CUL2: variants seen among roughly 807,000 people sequenced by gnomAD.
The protein encoded by CUL2 is cullin 2, also known as cullin-2.
A neutral mutation model predicts 110.2 loss-of-function variants in CUL2; 22 were observed. The ratio of observed to expected loss-of-function variants is 0.20; its 90% CI spans 0.14 to 0.28. The LOEUF is 0.28. Ranked by LOEUF, CUL2 falls within the 10% of genes least tolerant of loss-of-function variation. The pLI, the probability that CUL2 is intolerant of heterozygous loss-of-function variation, is 1.00. For synonymous variants in CUL2, 279 were observed against 293.2 expected (o/e 0.95, Z 0.49); for missense variants, 631 against 905.5 (o/e 0.70, Z 3.89).
At chr10:35,104,546 G>A (rs1378148982) in intron 1 of CUL2, among the ~76,000 whole-genome samples, 2 of 151,902 alleles carry the variant, frequency 1.3e-5, no homozygotes, top group African/African-American at 4.8e-5. Flanking sequence ...AGGGAAGGAG[G>A]TGGAATTGCT....
intron 1 of CUL2, among the ~76,000 whole-genome samples, chr10:35,121,079 T>C (rs930560654): frequency 2.0e-5 from 3 of 152,216 alleles, no homozygotes; most frequent in Non-Finnish European, 4.4e-5. Context: ...CACATGACCA[T>C]GTTGGGAGCT....
intron 1 of CUL2, among the ~76,000 whole-genome samples, chr10:35,073,579 T>A (rs917884242): frequency 1.3e-5 from 2 of 151,864 alleles, no homozygotes; most frequent in Non-Finnish European, 1.5e-5. Flanking sequence ...CATTTTCTTT[T>A]CTTTTCTTTT....
chr10:35,054,337 T>C, intron 5 of CUL2, 97 bp downstream of exon 5: 1 of 677,552 alleles, frequency 1.5e-6, no homozygotes, highest in Non-Finnish European at 2.5e-6. Flanking sequence ...CATTTTAAGC[T>C]AGCCAAATCA....
intron 5 of CUL2, among the ~76,000 whole-genome samples, chr10:35,053,697 T>C (rs1174838628): frequency 2.0e-5 from 3 of 152,232 alleles, no homozygotes; most frequent in Non-Finnish European, 4.4e-5. Context: ...AAGACACTGA[T>C]CAATTTCTTT....
chr10:35,040,259 C>T (rs997397830), intron 8 of CUL2, among the ~76,000 whole-genome samples: 21 of 152,156 alleles, frequency 1.4e-4, no homozygotes, highest in East Asian at 5.8e-4. Context: ...CTACATAAAG[C>T]GCTGAGCTAC....
intron 9 of CUL2, among the ~76,000 whole-genome samples, chr10:35,036,440 G>C (rs574872190): frequency 2.0e-5 from 3 of 152,228 alleles, no homozygotes; most frequent in African/African-American, 7.2e-5. Flanking sequence ...CATTGGCAGT[G>C]GGGAGGTAAA....
In CUL2 at chr10:35,116,883, G is replaced by T. The variant is rs150207973; in HGVS notation, c.-51+9722C>A. On this transcript the variant is annotated intron_variant, in intron 1 of 5. Transcript: ENST00000685421. ...GAGGTGGGAGAATCGCTTAAACCTG[G>T]GAGGTAGAGGTTGCAGTGAGTCGAG... Among the ~76,000 whole-genome samples the T allele has an allele frequency of 7.9e-3, 1,206 of 151,980 alleles. 21 individuals carry two copies. The highest frequency in any genetic ancestry group is 0.027 in the African/African-American group (1,132 of 41,416).
chr10:35,121,734 C>T (rs769910709), intron 1 of CUL2, among the ~76,000 whole-genome samples: 4 of 150,322 alleles, frequency 2.7e-5, no homozygotes, highest in East Asian at 1.9e-4. Context: ...TGCTTGAGCC[C>T]GGGAGGTCGA....
At chr10:35,014,842 T>C (rs961088221) in intron 18 of CUL2, among the ~76,000 whole-genome samples, 2 of 151,796 alleles carry the variant, frequency 1.3e-5, no homozygotes, top group South Asian at 2.1e-4. Flanking sequence ...CAAAAATAAA[T>C]AAACATAAAA....
intron 12 of CUL2, 74 bp downstream of exon 12, chr10:35,032,361 A>G: frequency 7.8e-7 from 1 of 1,275,066 alleles, no homozygotes; most frequent in Non-Finnish European, 1.1e-6. Flanking sequence ...AACCAAATTA[A>G]TTTGATATTC....
chr10:35,009,498 A>G lies in CUL2; in HGVS notation c.*813T>C, dbSNP rs1224599510. On this transcript the variant is annotated 3_prime_UTR_variant, in exon 21 of 21. Coordinates refer to ENST00000374749, the MANE Select transcript of CUL2 (RefSeq NM_003591.4). ...AATTAATGGATTATGCAACCGAAGA[A>G]AGACAACTTTTGAATGAAAAGCTCT... 4 of 151,118 alleles carry G rather than the reference A, an allele frequency of 2.6e-5. No homozygotes were observed. The highest frequency in any genetic ancestry group is 6.6e-5 in the Admixed American group (1 of 15,230). The allele number at this position is 151,118 out of a possible 1,614,324, so 9.4% of individuals were successfully genotyped here. A position where few individuals can be genotyped will look rare whatever the true frequency, so the allele number is the denominator to read the frequency against.
intron 8 of CUL2, among the ~76,000 whole-genome samples, chr10:35,042,254 G>A (rs2085811992): frequency 6.6e-6 from 1 of 152,072 alleles, no homozygotes; most frequent in Admixed American, 6.6e-5. Context: ...TTGAACCACA[G>A]AATATTTGCC....
intron 1 of CUL2, among the ~76,000 whole-genome samples, chr10:35,073,750 G>A (rs1191302330): frequency 2.6e-5 from 4 of 151,858 alleles, no homozygotes; most frequent in East Asian, 1.9e-4. Context: ...GATTACAGGC[G>A]TCTGCCACCA....
chr10:35,086,416 C>T (rs7079498), intron 1 of CUL2, among the ~76,000 whole-genome samples: 48,051 of 151,776 alleles, frequency 0.32, 7,803 homozygotes, highest in Non-Finnish European at 0.35. Flanking sequence ...ACCTCCCTAG[C>T]AGCTGGGATT....
intron 1 of CUL2, among the ~76,000 whole-genome samples, chr10:35,087,704 C>T (rs1478376856): frequency 1.3e-5 from 2 of 152,168 alleles, no homozygotes; most frequent in Admixed American, 6.6e-5. Flanking sequence ...ATGACAATTT[C>T]AATAAGTATC....
upstream of CUL2, chr10:35,126,986 G>T (rs932643373): frequency 6.6e-6 from 1 of 152,496 alleles, no homozygotes; most frequent in African/African-American, 2.4e-5. Flanking sequence ...ACGCGGTTCG[G>T]TCGGCTGCAG....
chr10:35,105,621 T>G (rs1172400561), intron 1 of CUL2, among the ~76,000 whole-genome samples: 1 of 148,694 alleles, frequency 6.7e-6, no homozygotes, highest in East Asian at 2.0e-4. Context: ...GGCAGGAGAA[T>G]CACTTGACCC....
intron 15 of CUL2, among the ~76,000 whole-genome samples, chr10:35,029,263 GC>G (rs2085417566): frequency 1.3e-5 from 2 of 152,132 alleles, no homozygotes; most frequent in African/African-American, 4.8e-5. Flanking sequence ...TCACATGTTG[GC>G]CAGGCTGGTC....
At chr10:35,066,698 T>C (rs1036753382) in intron 2 of CUL2, among the ~76,000 whole-genome samples, 3 of 152,168 alleles carry the variant, frequency 2.0e-5, no homozygotes, top group African/African-American at 7.2e-5. Context: ...AAATCGAAAA[T>C]TTTCAAGTGC....
Sources: allele counts gnomAD v4.1 joint callset (sites outside exome capture counted in the v4.1 genomes callset), GRCh38; gene constraint gnomAD v4.1.1; transcripts MANE v1.5; gene names NCBI Gene and HGNC (gene_info 2026-07-23, HGNC 2026-07-21).